CNDP2: variants seen among roughly 807,000 people sequenced by gnomAD.
The protein encoded by CNDP2 is cytosolic non-specific dipeptidase.
Under a neutral mutation model 55.0 loss-of-function variants are expected in CNDP2, and 38 were observed. That is an observed-to-expected ratio of 0.69 (90% CI 0.53 to 0.90). The LOEUF (loss-of-function observed/expected upper bound fraction) is 0.90. CNDP2 is among the 40% of genes least tolerant of loss of function. The pLI, the probability that CNDP2 is intolerant of heterozygous loss-of-function variation, is 0.00. For synonymous variants in CNDP2, 241 were observed against 260.2 expected (o/e 0.93, Z 0.71); for missense variants, 607 against 621.7 (o/e 0.98, Z 0.25).
chr18:74,511,315 C>T, intron 6 of CNDP2: 1 of 362,246 alleles, frequency 2.8e-6, no homozygotes, highest in East Asian at 4.8e-5. Flanking sequence ...GATGCAAACA[C>T]ATACAAAGCA....
intron 4 of CNDP2, among the ~76,000 whole-genome samples, chr18:74,506,227 G>T (rs1979017486): frequency 6.6e-6 from 1 of 152,084 alleles, no homozygotes; most frequent in African/African-American, 2.4e-5. Flanking sequence ...TCCGCCTCCC[G>T]GGGTTCAAGC....
At chr18:74,508,808 T>G in intron 4 of CNDP2, 32 bp from the exon 5 acceptor site, 1 of 1,583,258 alleles carries the variant, frequency 6.3e-7, no homozygotes, top group Non-Finnish European at 8.7e-7. Context: ...CTTGTAATCA[T>G]CACTTTATGA....
In CNDP2 at chr18:74,518,652, T is replaced by C; in HGVS notation, c.1210+12T>C. 2 of 1,613,968 alleles carry C rather than the reference T, an allele frequency of 1.2e-6. No homozygotes were observed. The highest frequency in any genetic ancestry group is 1.7e-6 in the Non-Finnish European group (2 of 1,180,020). On this transcript the variant is annotated intron_variant, in intron 10 of 11. Transcript: ENST00000324262. The stretch of plus-strand genomic sequence containing the variant: ...AGCCATGAAGACAGGTTGGACGCTC[T>C]CCTTGTGGATGATGCCGCGCAGGGC...
At chr18:74,504,184 C>CCA in intron 3 of CNDP2, among the ~76,000 whole-genome samples, 1 of 149,728 alleles carries the variant, frequency 6.7e-6, no homozygotes, top group Non-Finnish European at 1.5e-5. Flanking sequence ...GCACACGCAG[C>CCA]CACACTGCCA....
intron 3 of CNDP2, among the ~76,000 whole-genome samples, chr18:74,501,858 T>A (rs1978721342): frequency 1.3e-5 from 2 of 152,092 alleles, no homozygotes; most frequent in Admixed American, 1.3e-4. Flanking sequence ...CGGCTCCCCC[T>A]CACACACAGT....
At chr18:74,504,999 C>G (rs1312116977) in intron 3 of CNDP2, 1 of 152,154 alleles carries the variant, frequency 6.6e-6, no homozygotes, top group Non-Finnish European at 1.5e-5. Context: ...TTCTCCATTC[C>G]TATGGGATTG....
In CNDP2 at chr18:74,521,818, G is replaced by T. The variant is rs1305257419; in HGVS notation, c.*1750G>T. On this transcript the variant is annotated 3_prime_UTR_variant, in exon 12 of 12. Transcript: ENST00000324262. ...CACACTCTCAAATTGGTAGGCAAAGGTTTAAAGAACGGGATATTTGCTTAG... is the reference window on the plus strand; with the variant it reads ...CACACTCTCAAATTGGTAGGCAAAGTTTTAAAGAACGGGATATTTGCTTAG... 6.6e-6 allele frequency: 1 copy of T among 152,180 alleles called. No homozygotes were observed. The highest frequency in any genetic ancestry group is 1.5e-5 in the Non-Finnish European group (1 of 68,044). The allele number at this position is 152,180 out of a possible 1,614,324, so 9.4% of individuals were successfully genotyped here.
intron 3 of CNDP2, among the ~76,000 whole-genome samples, chr18:74,503,325 A>G (rs749839673): frequency 3.9e-5 from 6 of 152,158 alleles, no homozygotes; most frequent in Non-Finnish European, 5.9e-5. Context: ...GTGTGGGGTG[A>G]CCACACATCT....
intron 3 of CNDP2, among the ~76,000 whole-genome samples, chr18:74,503,973 C>G (rs1296592290): frequency 2.1e-5 from 3 of 140,674 alleles, no homozygotes; most frequent in African/African-American, 2.7e-5. Context: ...CGCAGCCACA[C>G]TGCCGCTGGG....
At chr18:74,514,278 T>C (rs1979520909) in intron 8 of CNDP2, among the ~76,000 whole-genome samples, 1 of 151,774 alleles carries the variant, frequency 6.6e-6, no homozygotes, top group Non-Finnish European at 1.5e-5. Flanking sequence ...TTCTGCAGGC[T>C]ATAGGTTTAT....
rs531994433 is a variant in CNDP2, at chr18:74,516,289, C to G, written c.965C>G (p.Ala322Gly). ...CTGTCCCTCCATGGCATCGAAGGCGCCTTCTCTGGGTCTGGGGCCAAGACC... is the reference window on the plus strand; with the variant it reads ...CTGTCCCTCCATGGCATCGAAGGCGGCTTCTCTGGGTCTGGGGCCAAGACC... Reference protein sequence around the residue: ...PSLSLHGIEGAFSGSGAKTVI... With the variant: ...PSLSLHGIEGGFSGSGAKTVI... Residue 322 changes from alanine to glycine, a missense_variant, in exon 9 of 12, where the codon GCC becomes GGC. Coordinates refer to ENST00000324262, the MANE Select transcript of CNDP2 (RefSeq NM_018235.3). 2.3e-5 allele frequency: 37 copies of G among 1,614,160 alleles called. No individual in the cohort carries two copies. The Admixed American group carries it at 3.2e-4, about 14-fold the overall frequency.
chr18:74,503,662 C>T (rs1270174902), intron 3 of CNDP2, among the ~76,000 whole-genome samples: 3 of 152,252 alleles, frequency 2.0e-5, no homozygotes, highest in Non-Finnish European at 4.4e-5. Context: ...GCCATGGGTT[C>T]CCTGGGACCA....
In CNDP2 at chr18:74,499,943, C is replaced by T. The variant is rs1364371279; in HGVS notation, c.-31C>T. 3.7e-6 allele frequency: 6 copies of T among 1,609,930 alleles called. No individual in the cohort carries two copies. The highest frequency in any genetic ancestry group is 1.7e-5 in the Admixed American group (1 of 59,872). ...AGTTGCTCTTCCTTCCAAGAACCTT[C>T]GAGATCTGCGGTCTGGGGTCTGGTT... On this transcript the variant is annotated 5_prime_UTR_variant, in exon 2 of 12. Coordinates refer to ENST00000324262, the MANE Select transcript of CNDP2 (RefSeq NM_018235.3).
intron 1 of CNDP2, among the ~76,000 whole-genome samples, chr18:74,496,652 C>T (rs1978430882): frequency 6.6e-6 from 1 of 152,130 alleles, no homozygotes; most frequent in African/African-American, 2.4e-5. Flanking sequence ...GCCTCTCGCA[C>T]CTCCGGGCCA....
intron 6 of CNDP2, 112 bp downstream of exon 6, chr18:74,511,125 C>T (rs920976830): frequency 2.2e-6 from 2 of 910,288 alleles, no homozygotes; most frequent in South Asian, 1.7e-5. Flanking sequence ...AGGAGAAGCA[C>T]AGGGCTCACT....
chr18:74,500,164 C>A, intron 2 of CNDP2, 131 bp downstream of exon 2: 1 of 683,050 alleles, frequency 1.5e-6, no homozygotes, highest in Non-Finnish European at 2.4e-6. Context: ...GAGATCTGTT[C>A]ATTAGCTTCT....
chr18:74,517,209 G>A (rs1979727593), intron 9 of CNDP2: 1 of 152,110 alleles, frequency 6.6e-6, no homozygotes, highest in Admixed American at 6.5e-5. Flanking sequence ...TCTAAATAAG[G>A]TTTAGAAAGA....
chr18:74,498,188 G>A (rs1978508875), intron 1 of CNDP2, among the ~76,000 whole-genome samples: 1 of 152,106 alleles, frequency 6.6e-6, no homozygotes, highest in Admixed American at 6.6e-5. Context: ...AAAATGCATT[G>A]TTAGGCGATT....
intron 5 of CNDP2, chr18:74,509,527 G>C (rs1469558689): frequency 6.6e-6 from 1 of 152,154 alleles, no homozygotes; most frequent in Non-Finnish European, 1.5e-5. Flanking sequence ...CCAGCTCCTG[G>C]GAGGCTGAGG....
Sources: gnomAD v4.1 joint callset for allele counts (sites outside exome capture counted in the v4.1 genomes callset) on GRCh38, gnomAD v4.1.1 for gene constraint, MANE v1.5 for transcripts, NCBI Gene and HGNC (gene_info 2026-07-23, HGNC 2026-07-21) for gene names.